The following CTIF variants were observed in gnomAD, a reference collection of about 807,000 sequenced individuals.
CTIF encodes cap binding complex dependent translation initiation factor.
Under a neutral mutation model 66.0 loss-of-function variants are expected in CTIF, and 21 were observed. The ratio of observed to expected loss-of-function variants is 0.32; its 90% CI spans 0.23 to 0.46. The LOEUF is 0.46. Ranked by LOEUF, CTIF falls within the 20% of genes least tolerant of loss-of-function variation. The probability of loss-of-function intolerance (pLI) is 1.00; values close to 1 mark genes in which losing one functional copy is unlikely to be tolerated. For missense variants in CTIF, 739 were observed against 812.7 expected (o/e 0.91, Z 1.10); for synonymous variants, 345 against 326.4 (o/e 1.06, Z -0.62).
intron 9 of CTIF, among the ~76,000 whole-genome samples, chr18:48,802,018 T>TA (rs2068058695): frequency 6.6e-6 from 1 of 152,250 alleles, no homozygotes; most frequent in African/African-American, 2.4e-5. Flanking sequence ...GAAGGGTTAT[T>TA]ACACCTGTTT....
intron 6 of CTIF, among the ~76,000 whole-genome samples, chr18:48,701,816 G>A (rs974388475): frequency 4.6e-5 from 7 of 152,162 alleles, no homozygotes; most frequent in African/African-American, 1.2e-4. Context: ...ATGGCTACCC[G>A]TGGAGGGCAA....
At chr18:48,837,899 CCCCACA>C (rs1304351039) in intron 10 of CTIF, among the ~76,000 whole-genome samples, 1 of 152,118 alleles carries the variant, frequency 6.6e-6, no homozygotes, top group South Asian at 2.1e-4. Flanking sequence ...GCTAAGAATC[CCCCACA>C]CCCACACCCT....
Position 48,714,821 on chromosome 18 carries a change from G to C in CTIF, c.584+3126G>C, listed in dbSNP as rs528688596. On this transcript the variant is annotated intron_variant, in intron 7 of 11. Transcript: ENST00000256413. ...TGATCTTGCCAATTACATCACTTTT[G>C]AAAGCCCTGTCCCTTCTTCTACAAA... Among the ~76,000 whole-genome samples, 21 of 152,258 alleles carry C rather than the reference G, an allele frequency of 1.4e-4. No homozygotes were observed. In the East Asian group the frequency reaches 3.3e-3, roughly 24 times the overall value.
chr18:48,627,835 T>C (rs1192962827), intron 2 of CTIF, among the ~76,000 whole-genome samples: 1 of 148,150 alleles, frequency 6.7e-6, no homozygotes, highest in Non-Finnish European at 1.5e-5. Context: ...GAGGTGAGAG[T>C]GAGGCCACCT....
chr18:48,668,849 G>A (rs1193996746), intron 5 of CTIF, among the ~76,000 whole-genome samples: 1 of 152,126 alleles, frequency 6.6e-6, no homozygotes, highest in Admixed American at 6.5e-5. Flanking sequence ...CTCTACTGTG[G>A]GGGGTGATTA....
chr18:48,626,000 CTTT>C (rs74174709), intron 2 of CTIF, among the ~76,000 whole-genome samples: 1 of 109,166 alleles, frequency 9.2e-6, no homozygotes, highest in Non-Finnish European at 1.8e-5. Flanking sequence ...CTTTTTCTTT[CTTT>C]TTTTTTTTTT....
chr18:48,603,791 C>A (rs376402209), intron 1 of CTIF, among the ~76,000 whole-genome samples: 3 of 152,068 alleles, frequency 2.0e-5, no homozygotes, highest in South Asian at 4.2e-4. Context: ...CAACAGATAC[C>A]CTTCCAGGAA....
At chr18:48,601,447 T>C (rs922813374) in intron 1 of CTIF, among the ~76,000 whole-genome samples, 1 of 152,222 alleles carries the variant, frequency 6.6e-6, no homozygotes, top group Admixed American at 6.5e-5. Context: ...GGCGATCTGA[T>C]GGGAAAGCTG....
chr18:48,751,355 T>G (rs1332958914), intron 7 of CTIF, among the ~76,000 whole-genome samples: 1 of 152,230 alleles, frequency 6.6e-6, no homozygotes, highest in African/African-American at 2.4e-5. Flanking sequence ...TGTGCTGCTC[T>G]CTGCTTCCTT....
intron 7 of CTIF, among the ~76,000 whole-genome samples, chr18:48,744,579 G>A (rs2092580107): frequency 6.6e-6 from 1 of 152,160 alleles, no homozygotes; most frequent in Non-Finnish European, 1.5e-5. Context: ...CCGTCTGAAA[G>A]TAAGTTGCCA....
intron 6 of CTIF, among the ~76,000 whole-genome samples, chr18:48,683,357 C>A (rs1459807636): frequency 6.7e-6 from 1 of 150,112 alleles, no homozygotes; most frequent in Non-Finnish European, 1.5e-5. Context: ...CCCTTGGACC[C>A]CTGCTTGCAG....
At chr18:48,616,750 C>T (rs530471961) in intron 1 of CTIF, among the ~76,000 whole-genome samples, 1 of 152,288 alleles carries the variant, frequency 6.6e-6, no homozygotes, top group African/African-American at 2.4e-5. Flanking sequence ...ATACCCATAG[C>T]CAACCCTGGG....
intron 9 of CTIF, among the ~76,000 whole-genome samples, chr18:48,778,246 C>G (rs575989682): frequency 6.6e-6 from 1 of 151,938 alleles, no homozygotes; most frequent in African/African-American, 2.4e-5. Context: ...AAAATGGGGT[C>G]GATTCTATTG....
chr18:48,649,440 G>A (rs914760703), intron 3 of CTIF, among the ~76,000 whole-genome samples: 1 of 152,246 alleles, frequency 6.6e-6, no homozygotes, highest in African/African-American at 2.4e-5. Flanking sequence ...GGTAAACAGA[G>A]CAGCTGGGGA....
chr18:48,649,475 A>G (rs769636903), intron 3 of CTIF, among the ~76,000 whole-genome samples: 26 of 152,230 alleles, frequency 1.7e-4, no homozygotes, highest in African/African-American at 2.4e-4. Flanking sequence ...AGAGCCAACC[A>G]TAGCTCAGCA....
intron 9 of CTIF, among the ~76,000 whole-genome samples, chr18:48,775,132 A>G (rs1292549638): frequency 6.6e-6 from 1 of 152,184 alleles, no homozygotes; most frequent in African/African-American, 2.4e-5. Flanking sequence ...CCCTGGCTCT[A>G]GTTGTGGCGC....
intron 9 of CTIF, among the ~76,000 whole-genome samples, chr18:48,773,577 A>T (rs190451615): frequency 3.3e-4 from 50 of 152,272 alleles, no homozygotes; most frequent in Admixed American, 6.5e-4. Context: ...GGGCTCCAAG[A>T]GCTTCTGGGA....
chr18:48,582,577 C>G (rs934000197), intron 1 of CTIF, among the ~76,000 whole-genome samples: 2 of 152,028 alleles, frequency 1.3e-5, no homozygotes, highest in East Asian at 3.9e-4. Context: ...TGACCTTCCC[C>G]CTATGTGCTG....
At chr18:48,568,860 C>T (rs1429037054) in intron 1 of CTIF, among the ~76,000 whole-genome samples, 1 of 152,150 alleles carries the variant, frequency 6.6e-6, no homozygotes, top group South Asian at 2.1e-4. Flanking sequence ...GAAAAACCCA[C>T]CCCCACGATT....
Sources: allele counts gnomAD v4.1 joint callset (sites outside exome capture counted in the v4.1 genomes callset), GRCh38; gene constraint gnomAD v4.1.1; transcripts MANE v1.5; gene names NCBI Gene and HGNC (gene_info 2026-07-23, HGNC 2026-07-21).